Variants in TSHZ2 observed in about 807,000 individuals in gnomAD.
TSHZ2 encodes teashirt zinc finger homeobox 2, also known as teashirt homolog 2.
TSHZ2 carries 21 observed loss-of-function variants against 74.4 expected under a neutral mutation model. The ratio of observed to expected loss-of-function variants is 0.28; its 90% CI spans 0.20 to 0.41. The LOEUF is 0.41. Ranked by LOEUF, TSHZ2 falls within the 10% of genes least tolerant of loss-of-function variation. The pLI, the probability that TSHZ2 is intolerant of heterozygous loss-of-function variation, is 1.00. For synonymous variants in TSHZ2, 540 were observed against 515.3 expected, an observed-to-expected ratio of 1.05 and a Z score of -0.65; for missense variants, 1,244 against 1,293.5, an observed-to-expected ratio of 0.96 and a Z score of 0.59.
chr20:53,008,772 T>C (rs1225926504), intron 1 of TSHZ2, among the ~76,000 whole-genome samples: 2 of 152,058 alleles, frequency 1.3e-5, no homozygotes, highest in African/African-American at 2.4e-5. Context: ...TATACCCTTA[T>C]TCATGGGGAA....
intron 1 of TSHZ2, among the ~76,000 whole-genome samples, chr20:53,137,627 AC>A (rs1347378161): frequency 1.3e-5 from 2 of 151,756 alleles, no homozygotes; most frequent in African/African-American, 4.8e-5. Flanking sequence ...AACTCTCTTC[AC>A]CCCCACGGCT....
At position 53,255,443 on chromosome 20, in the gene TSHZ2, G is replaced by A; in HGVS notation, c.1985G>A (p.Ser662Asn). The A allele has an allele frequency of 1.2e-6, 2 of 1,611,600 alleles. No homozygotes were observed. Among genetic ancestry groups the A allele is most frequent in the Non-Finnish European group, 8.5e-7 (1 of 1,179,978 alleles). Residue 662 changes from serine (S) to asparagine (N), a missense_variant, in exon 2 of 3, where the codon AGC (serine) becomes AAC (asparagine). Ser to Asn is a conservative substitution (Grantham distance 46). Around this residue, in one of 6 missense-constraint regions of TSHZ2, gnomAD observed 562 missense variants for 544.0 expected, o/e 1.03. Transcript: ENST00000371497. The surrounding 1 kb of genome is among the most constrained non-coding windows in gnomAD (Gnocchi z 4.1). ...GAGGAGAAGCTGATGAAAGAGGGCA[G>A]CGAGAAGGAGAAACCCCAGCCCCTG... The part of the protein sequence containing the change: ...KEEEKLMKEG[S>N]EKEKPQPLEP...
At chr20:53,318,326 C>T (rs1047312122) in intron 2 of TSHZ2, among the ~76,000 whole-genome samples, 2 of 152,158 alleles carry the variant, frequency 1.3e-5, no homozygotes, top group African/African-American at 2.4e-5. Flanking sequence ...ACAGCTAAGG[C>T]TCCCCATAAA....
rs530209829 is a variant in TSHZ2, at chr20:53,362,270, C to T, written c.*8+105699C>T. On this transcript the variant is annotated intron_variant, in intron 2 of 2. Transcript: ENST00000371497. ...CAGGATCTCGGCTCACTGCAAGCTC[C>T]GCCTCCCAGGTTCACACCATTCTCC... Among the ~76,000 whole-genome samples the T allele has an allele frequency of 9.3e-5, 14 of 151,304 alleles. 1 individual carries two copies. In the South Asian group the frequency reaches 2.5e-3, roughly 27 times the overall value.
At chr20:53,120,135 C>T (rs1219506175) in intron 1 of TSHZ2, among the ~76,000 whole-genome samples, 1 of 152,200 alleles carries the variant, frequency 6.6e-6, no homozygotes, top group South Asian at 2.1e-4. Flanking sequence ...ATACAATTCT[C>T]ATTTCATGAT....
chr20:53,335,210 ACT>A (rs1979897369), intron 2 of TSHZ2, among the ~76,000 whole-genome samples: 1 of 152,078 alleles, frequency 6.6e-6, no homozygotes, highest in African/African-American at 2.4e-5. Flanking sequence ...TAAACCAGAA[ACT>A]CTGAGGATGG....
chr20:53,145,999 A>G (rs540344427), intron 1 of TSHZ2, among the ~76,000 whole-genome samples: 2 of 152,282 alleles, frequency 1.3e-5, no homozygotes, highest in South Asian at 4.1e-4. Flanking sequence ...CTAGGAGAAA[A>G]CCTTGAAGCT....
intron 1 of TSHZ2, among the ~76,000 whole-genome samples, chr20:53,233,219 T>C (rs923233846): frequency 1.3e-5 from 2 of 152,262 alleles, no homozygotes; most frequent in African/African-American, 4.8e-5. Flanking sequence ...GAAAAGTGAA[T>C]GCTATGCTGC....
At chr20:53,325,199 A>C (rs896572444) in intron 2 of TSHZ2, among the ~76,000 whole-genome samples, 21 of 152,074 alleles carry the variant, frequency 1.4e-4, no homozygotes, top group Non-Finnish European at 5.9e-5. Flanking sequence ...CATTTCCCTG[A>C]GTTGAGATCT....
intron 1 of TSHZ2, among the ~76,000 whole-genome samples, chr20:53,064,721 C>A (rs79232405): frequency 6.7e-4 from 99 of 147,908 alleles, no homozygotes; most frequent in African/African-American, 2.5e-3. Context: ...TGTGTGAAGC[C>A]TTTTCTCGTC....
chr20:53,365,263 A>G (rs1233183168), intron 2 of TSHZ2, among the ~76,000 whole-genome samples: 1 of 152,212 alleles, frequency 6.6e-6, no homozygotes, highest in Non-Finnish European at 1.5e-5. Context: ...CATGCTCCTA[A>G]GTGGCCAATT....
At position 53,253,819 on chromosome 20, in the gene TSHZ2, T is replaced by G; in HGVS notation, c.361T>G (p.Cys121Gly). The G allele has an allele frequency of 6.2e-7, 1 of 1,614,062 alleles. No individual in the cohort carries two copies. Among genetic ancestry groups the G allele is most frequent in the Non-Finnish European group, 8.5e-7 (1 of 1,180,008 alleles). Residue 121 changes from cysteine to glycine, a missense_variant, in exon 2 of 3, where the codon TGC becomes GGC. Transcript: ENST00000371497. Reference sequence around the variant, plus strand: ...CAGGCTTCCAAACGAAGCACACAATTGCATGGATAAAATGACCGCTGTCTA... The same window carrying G: ...CAGGCTTCCAAACGAAGCACACAATGGCATGGATAAAATGACCGCTGTCTA... The part of the protein sequence containing the change: ...HVRLPNEAHN[C>G]MDKMTAVYAN...
chr20:53,182,215 C>CTCCT (rs1988494041), intron 1 of TSHZ2, among the ~76,000 whole-genome samples: 1 of 101,176 alleles, frequency 9.9e-6, no homozygotes, highest in Non-Finnish European at 2.1e-5. Context: ...TCCTCACTCC[C>CTCCT]TCCTTCCCTC....
intron 2 of TSHZ2, among the ~76,000 whole-genome samples, chr20:53,381,791 A>G (rs1431334680): frequency 1.3e-5 from 2 of 152,006 alleles, no homozygotes; most frequent in African/African-American, 4.8e-5. Flanking sequence ...GTGTCTGTGT[A>G]TGGTCCCTAC....
chr20:53,421,421 T>C (rs901150277), intron 2 of TSHZ2: 1 of 195,846 alleles, frequency 5.1e-6, no homozygotes, highest in Admixed American at 5.0e-5. Flanking sequence ...CAGGGAGAAA[T>C]TGGATGATGA....
intron 2 of TSHZ2, among the ~76,000 whole-genome samples, chr20:53,294,910 C>T (rs531607983): frequency 1.6e-4 from 25 of 152,292 alleles, no homozygotes; most frequent in African/African-American, 3.6e-4. Context: ...AACACTACTG[C>T]GGTTACATAA....
At chr20:53,182,826 C>G (rs936753774) in intron 1 of TSHZ2, among the ~76,000 whole-genome samples, 2 of 152,120 alleles carry the variant, frequency 1.3e-5, no homozygotes, top group Non-Finnish European at 2.9e-5. Flanking sequence ...AGGGATACAG[C>G]CTATGTGTGT....
chr20:53,473,695 G>A (rs1039716482), intron 2 of TSHZ2, among the ~76,000 whole-genome samples: 10 of 151,692 alleles, frequency 6.6e-5, no homozygotes, highest in East Asian at 1.9e-4. Context: ...GGCTTCAGAC[G>A]ATCAAATTAC....
At chr20:53,093,238 G>A (rs1600686076) in intron 1 of TSHZ2, among the ~76,000 whole-genome samples, 1 of 152,308 alleles carries the variant, frequency 6.6e-6, no homozygotes, top group East Asian at 1.9e-4. Context: ...ACACAGACCT[G>A]ACCCAGTAAG....
Sources: gnomAD v4.1 joint callset for allele counts (sites outside exome capture counted in the v4.1 genomes callset) on GRCh38, gnomAD v4.1.1 for gene constraint, gnomAD v4.1.1 regional missense constraint, Gnocchi (gnomAD v3.1) non-coding constraint, MANE v1.5 for transcripts, NCBI Gene and HGNC (gene_info 2026-07-23, HGNC 2026-07-21) for gene names.